CSMD3: variants seen among roughly 807,000 people sequenced by gnomAD.
CSMD3 encodes the protein CUB and Sushi multiple domains 3.
A neutral mutation model predicts 435.2 loss-of-function variants in CSMD3; 177 were observed. That is an observed-to-expected ratio of 0.41 (90% CI 0.36 to 0.46). CSMD3 has a LOEUF of 0.46. Ranked by LOEUF, CSMD3 falls within the 20% of genes least tolerant of loss-of-function variation. CSMD3 has a pLI of 0.34. For synonymous variants in CSMD3, 1,656 were observed against 1,520.5 expected (o/e 1.09, Z -2.07); for missense variants, 4,265 against 4,504.6 (o/e 0.95, Z 1.52).
chr8:113,012,128 T>A (rs932372383), intron 6 of CSMD3, among the ~76,000 whole-genome samples: 5 of 151,830 alleles, frequency 3.3e-5, no homozygotes, highest in African/African-American at 4.8e-5. Context: ...AAACTCAAAA[T>A]TCTGTTCTCT....
rs1563614956 is a variant in CSMD3, at chr8:112,494,482, GTTTCTTTCTCTCCTTTCTTTC to G, written c.5084-1820_5084-1800del. 4.2e-5 allele frequency among the ~76,000 whole-genome samples: 3 copies of G among 71,696 alleles called. No homozygotes were observed. The East Asian group carries it at 9.8e-4, about 23-fold the overall frequency. 47.0% of individuals were successfully genotyped at this position (71,696 alleles called of 152,430 possible). ...CTCTCCTTTCTCTTTCTTTTCTTTT[GTTTCTTTCTCTCCTTTCTTTC>G]TTTCTTTCTTTCTTTCTTTCTTTCT... On this transcript the variant is annotated intron_variant, in intron 30 of 70. Transcript: ENST00000297405.
intron 37 of CSMD3, among the ~76,000 whole-genome samples, chr8:112,382,343 T>A (rs973147361): frequency 6.6e-6 from 1 of 151,208 alleles, no homozygotes; most frequent in Non-Finnish European, 1.5e-5. Context: ...ACCCCTAACC[T>A]ATTACAAATA....
chr8:112,851,216 G>T (rs992747097), intron 11 of CSMD3, among the ~76,000 whole-genome samples: 6 of 152,066 alleles, frequency 3.9e-5, no homozygotes, highest in African/African-American at 4.8e-5. Context: ...AAGGTGGAAG[G>T]GTTAGGGACA....
At chr8:112,723,707 T>C (rs2076908795) in intron 13 of CSMD3, among the ~76,000 whole-genome samples, 1 of 152,108 alleles carries the variant, frequency 6.6e-6, no homozygotes, top group African/African-American at 2.4e-5. Context: ...ATCCCATCTT[T>C]AAATGCTGAC....
At chr8:112,988,132 T>C (rs2085321577) in intron 6 of CSMD3, among the ~76,000 whole-genome samples, 1 of 151,998 alleles carries the variant, frequency 6.6e-6, no homozygotes, top group Non-Finnish European at 1.5e-5. Flanking sequence ...TTTCTCCCCA[T>C]AGTCTAGTCG....
At chr8:113,034,340 A>C (rs755445072) in intron 5 of CSMD3, among the ~76,000 whole-genome samples, 18 of 151,684 alleles carry the variant, frequency 1.2e-4, no homozygotes, top group Non-Finnish European at 2.1e-4. Context: ...AATGTGATAT[A>C]TTCGGCAATA....
At chr8:112,870,588 T>A (rs1329237742) in intron 10 of CSMD3, among the ~76,000 whole-genome samples, 2 of 152,100 alleles carry the variant, frequency 1.3e-5, no homozygotes. Flanking sequence ...GAATGGCTAT[T>A]TTTAAAAAGT....
At chr8:113,271,063 G>T in intron 3 of CSMD3, among the ~76,000 whole-genome samples, 1 of 152,160 alleles carries the variant, frequency 6.6e-6, no homozygotes, top group East Asian at 1.9e-4. Flanking sequence ...ATATTTTAGG[G>T]TATCTGGTAG....
intron 3 of CSMD3, among the ~76,000 whole-genome samples, chr8:113,203,414 C>A (rs926501907): frequency 2.0e-5 from 3 of 151,784 alleles, no homozygotes; most frequent in African/African-American, 7.3e-5. Flanking sequence ...CTCAAATGAC[C>A]CTCTTGCCTG....
chr8:112,797,091 T>C (rs1424388646), intron 13 of CSMD3, among the ~76,000 whole-genome samples: 1 of 151,970 alleles, frequency 6.6e-6, no homozygotes. Context: ...GCATTCATAG[T>C]TCCACAGATT....
chr8:113,392,290 C>A (rs2094464268), intron 1 of CSMD3, among the ~76,000 whole-genome samples: 1 of 151,250 alleles, frequency 6.6e-6, no homozygotes, highest in Admixed American at 6.6e-5. Context: ...TGATGCATTT[C>A]CCCTCTGTTG....
intron 1 of CSMD3, among the ~76,000 whole-genome samples, chr8:113,391,408 G>A (rs1484679282): frequency 1.3e-5 from 2 of 152,006 alleles, no homozygotes; most frequent in Non-Finnish European, 2.9e-5. Flanking sequence ...GGGATAATTA[G>A]TTTGTATATG....
intron 35 of CSMD3, among the ~76,000 whole-genome samples, chr8:112,399,363 C>T (rs571902997): frequency 9.9e-5 from 15 of 151,638 alleles, no homozygotes; most frequent in Middle Eastern, 3.4e-3. Context: ...TGGGTTCAAG[C>T]GATTCTCCTG....
Position 112,268,014 on chromosome 8 carries a change from C to T in CSMD3, c.9509-2424G>A, listed in dbSNP as rs116201965. Among the ~76,000 whole-genome samples the T allele has an allele frequency of 3.2e-3, 490 of 152,068 alleles. 3 individuals carry two copies. Among genetic ancestry groups the T allele is most frequent in the African/African-American group, 0.011 (460 of 41,504 alleles). On this transcript the variant is annotated intron_variant, in intron 59 of 70. Transcript: ENST00000297405. ...TTTAGTGCTTCACCCTAAAATTCAGCGATATCATTGTATGACAACAAATTC... is the reference window on the plus strand; with the variant it reads ...TTTAGTGCTTCACCCTAAAATTCAGTGATATCATTGTATGACAACAAATTC...
intron 32 of CSMD3, among the ~76,000 whole-genome samples, chr8:112,455,894 A>G (rs1816789795): frequency 6.6e-6 from 1 of 152,142 alleles, no homozygotes; most frequent in African/African-American, 2.4e-5. Context: ...TAAATTTTAT[A>G]GTTATTTTTT....
chr8:113,260,807 G>C (rs1300343247), intron 3 of CSMD3, among the ~76,000 whole-genome samples: 1 of 152,094 alleles, frequency 6.6e-6, no homozygotes, highest in Non-Finnish European at 1.5e-5. Flanking sequence ...TCCCATTTGT[G>C]AGTGAGAACA....
At chr8:113,173,475 C>T (rs928973556) in intron 4 of CSMD3, among the ~76,000 whole-genome samples, 1 of 152,016 alleles carries the variant, frequency 6.6e-6, no homozygotes, top group African/African-American at 2.4e-5. Context: ...GCGTCCACTA[C>T]CACACATGGC....
At chr8:112,951,814 T>C (rs2083823501) in intron 8 of CSMD3, among the ~76,000 whole-genome samples, 1 of 151,618 alleles carries the variant, frequency 6.6e-6, no homozygotes, top group African/African-American at 2.4e-5. Flanking sequence ...TATGGCAGGC[T>C]CACAGTTTCC....
intron 8 of CSMD3, among the ~76,000 whole-genome samples, chr8:112,948,972 C>T (rs1355305159): frequency 6.6e-6 from 1 of 151,972 alleles, no homozygotes; most frequent in Non-Finnish European, 1.5e-5. Context: ...TGCAGCAGCA[C>T]AATCATAGTT....
Sources: allele counts gnomAD v4.1 joint callset (sites outside exome capture counted in the v4.1 genomes callset), GRCh38; gene constraint gnomAD v4.1.1; transcripts MANE v1.5; gene names NCBI Gene and HGNC (gene_info 2026-07-23, HGNC 2026-07-21).